The following BBS2 variants were observed in gnomAD, a reference collection of about 807,000 sequenced individuals.
The protein encoded by BBS2 is BBSome complex member BBS2.
BBS2 carries 62 observed loss-of-function variants against 83.0 expected under a neutral mutation model. The observed-to-expected ratio is 0.75, with a 90% CI of 0.61 to 0.92. The LOEUF (loss-of-function observed/expected upper bound fraction) is 0.92, where lower values mean the gene tolerates loss of function less well. Among genes scored for constraint, BBS2 ranks in the 40% least tolerant of loss-of-function variants. The pLI, the probability that BBS2 is intolerant of heterozygous loss-of-function variation, is 0.00. For missense variants in BBS2, 784 were observed against 901.0 expected (o/e 0.87, Z 1.66); for synonymous variants, 303 against 326.1 (o/e 0.93, Z 0.76).
chr16:56,512,385 T>TA (rs1964603709), intron 2 of BBS2, among the ~76,000 whole-genome samples: 1 of 152,100 alleles, frequency 6.6e-6, no homozygotes, highest in South Asian at 2.1e-4. Flanking sequence ...AAGTCTTATA[T>TA]AAAAAAGTCT....
intron 15 of BBS2, among the ~76,000 whole-genome samples, chr16:56,492,440 G>A (rs1157597346): frequency 6.6e-6 from 1 of 152,154 alleles, no homozygotes; most frequent in Non-Finnish European, 1.5e-5. Flanking sequence ...TATTTGCATG[G>A]AGTATCTAAA....
Position 56,510,885 on chromosome 16 carries a change from C to T in BBS2, c.508G>A (p.Asp170Asn), listed in dbSNP as rs786205498. The change falls in exon 4 of 17, where the codon GAC becomes AAC. Residue 170 changes from aspartate (D) to asparagine (N), a missense_variant. By Grantham distance (23) the Asp-to-Asn change is conservative. Transcript: ENST00000245157. ...GDNVNSLALC[D>N]FDGDGKKELL... ...TCTTTCTTTCCATCACCATCAAAGT[C>T]ACACAAGGCCAAGGAATTAACATTG... is the stretch of plus-strand genomic sequence containing the variant. 1 of 1,614,042 alleles carries T rather than the reference C, an allele frequency of 6.2e-7. No homozygotes were observed. The highest frequency in any genetic ancestry group is 8.5e-7 in the Non-Finnish European group (1 of 1,180,040).
At chr16:56,492,779 G>A (rs79728372) in intron 15 of BBS2, among the ~76,000 whole-genome samples, 6,427 of 152,236 alleles carry the variant, frequency 0.042, 210 homozygotes, top group East Asian at 0.16. Context: ...CATTGCTTAT[G>A]GGAATACAAA....
Position 56,500,803 on chromosome 16 carries a change from G to A in BBS2, c.1397+51C>T. On this transcript the variant is annotated intron_variant, in intron 11 of 16. Transcript: ENST00000245157. ...GGCATATGGAAAATTTATACATCTT[G>A]CCCTCCTCTAAGTGCTGTCCTGAAA... The A allele has an allele frequency of 6.3e-7, 1 of 1,587,530 alleles. No homozygotes were observed. Among genetic ancestry groups the A allele is most frequent in the Non-Finnish European group, 8.6e-7 (1 of 1,157,204 alleles).
chr16:56,505,388 C>T (rs1432518354), intron 7 of BBS2, among the ~76,000 whole-genome samples: 1 of 152,154 alleles, frequency 6.6e-6, no homozygotes, highest in African/African-American at 2.4e-5. Flanking sequence ...GACAAGAAAG[C>T]GAGGGCAAAT....
At chr16:56,475,907 AG>A in intron 17 of BBS2, 2 of 738,866 alleles carry the variant, frequency 2.7e-6, no homozygotes, top group Non-Finnish European at 4.4e-6. Flanking sequence ...AGCCACCCCT[AG>A]TAAGTGTTCA....
chr16:56,502,860 C>T (rs780161663), intron 7 of BBS2, 52 bp from the exon 8 acceptor site: 2 of 1,601,960 alleles, frequency 1.2e-6, no homozygotes, highest in Middle Eastern at 1.7e-4. Flanking sequence ...GTTTAAAAAC[C>T]ACAAAATTTA....
chr16:56,511,723 G>A (rs1302174904), intron 2 of BBS2, among the ~76,000 whole-genome samples: 1 of 152,092 alleles, frequency 6.6e-6, no homozygotes, highest in Non-Finnish European at 1.5e-5. Flanking sequence ...TGTCCTATTG[G>A]TTCTGTTTCT....
Position 56,485,628 on chromosome 16 carries a change from G to A in BBS2, c.2021C>T (p.Ala674Val). ...NHTELLGNLKAVNQAIQRAGR... is the reference protein window; with the variant it reads ...NHTELLGNLKVVNQAIQRAGR... ...TGCTCTTTGAATTGCTTGATTTACTGCTTTGAGGTTTCCCAACAGCTCTGT... is the reference window on the plus strand; with the variant it reads ...TGCTCTTTGAATTGCTTGATTTACTACTTTGAGGTTTCCCAACAGCTCTGT... Residue 674 changes from alanine (A) to valine (V), a missense_variant, in exon 16 of 17, where the codon GCA (alanine) becomes GTA (valine). Transcript: ENST00000245157. The A allele has an allele frequency of 6.2e-7, 1 of 1,614,122 alleles. No homozygotes were observed. The highest frequency in any genetic ancestry group is 8.5e-7 in the Non-Finnish European group (1 of 1,180,012).
intron 15 of BBS2, among the ~76,000 whole-genome samples, chr16:56,487,666 A>G (rs1963820578): frequency 6.6e-6 from 1 of 152,256 alleles, no homozygotes. Flanking sequence ...TCACTGCAGC[A>G]GCATCAGTTC....
intron 17 of BBS2, among the ~76,000 whole-genome samples, chr16:56,475,788 C>T (rs1963442361): frequency 6.6e-6 from 1 of 152,154 alleles, no homozygotes; most frequent in Non-Finnish European, 1.5e-5. Context: ...AAATTAAGAG[C>T]CATGTGGTGC....
At chr16:56,499,751 A>T (rs757133419) in intron 12 of BBS2, 27 bp downstream of exon 12, 4 of 1,613,798 alleles carry the variant, frequency 2.5e-6, no homozygotes, top group Non-Finnish European at 1.7e-6. Context: ...GTGTAAAAGC[A>T]TTGAAAGAGA....
intron 1 of BBS2, chr16:56,519,371 G>A (rs1236175092): frequency 5.4e-6 from 1 of 185,042 alleles, no homozygotes; most frequent in African/African-American, 2.4e-5. Context: ...CAGTGTTAGA[G>A]AGTCAGAGGA....
chr16:56,510,103 A>T, intron 4 of BBS2, 69 bp from the exon 5 acceptor site: 1 of 1,420,554 alleles, frequency 7.0e-7, no homozygotes, highest in South Asian at 1.2e-5. Flanking sequence ...AAACAAAACA[A>T]AAAATTGCAC....
At position 56,501,479 on chromosome 16, in the gene BBS2, G is replaced by C. The variant is rs1245174214; in HGVS notation, c.1099C>G (p.Leu367Val). 1.2e-6 allele frequency: 2 copies of C among 1,614,156 alleles called. No homozygotes were observed. The highest frequency in any genetic ancestry group is 1.7e-6 in the Non-Finnish European group (2 of 1,180,016). Residue 367 changes from leucine to valine, a missense_variant, in exon 10 of 17, where the codon CTG (leucine) becomes GTG (valine). Leu to Val is a conservative substitution (Grantham distance 32). Transcript: ENST00000245157. Reference protein sequence around the residue: ...ENAKAELASPLNEADGHRGII... With the variant: ...ENAKAELASPVNEADGHRGII... ...CCCCGATGCCCATCAGCCTCGTTCAGTGGACTGGCCAATTCAGCCTGCAAA... is the reference window on the plus strand; with the variant it reads ...CCCCGATGCCCATCAGCCTCGTTCACTGGACTGGCCAATTCAGCCTGCAAA...
chr16:56,510,854 C>T lies in BBS2; in HGVS notation c.534+5G>A. 1.9e-6 allele frequency: 3 copies of T among 1,613,940 alleles called. No homozygotes were observed. Among genetic ancestry groups the T allele is most frequent in the Non-Finnish European group, 2.5e-6 (3 of 1,179,820 alleles). ...CACAAGAGAGATATCTCCTCCCCCA[C>T]ATACCTCTTTCTTTCCATCACCATC... is the stretch of plus-strand genomic sequence containing the variant. On this transcript the variant is annotated splice_donor_5th_base_variant and intron_variant, in intron 4 of 16. Transcript: ENST00000245157.
chr16:56,518,561 T>C (rs1269113564), intron 1 of BBS2, among the ~76,000 whole-genome samples: 4 of 152,226 alleles, frequency 2.6e-5, no homozygotes, highest in African/African-American at 9.6e-5. Context: ...CCCAAGGTCA[T>C]GAAATTAGTA....
In BBS2 at chr16:56,484,482, T is replaced by TA; in HGVS notation, c.*278dup. 3.3e-6 allele frequency: 1 copy of TA among 303,156 alleles called. No individual in the cohort carries two copies. The highest frequency in any genetic ancestry group is 6.3e-6 in the Non-Finnish European group (1 of 159,398). 18.8% of individuals were successfully genotyped at this position (303,156 alleles called of 1,614,324 possible). A position where few individuals can be genotyped will look rare whatever the true frequency, so the allele number is the denominator to read the frequency against. ...GAAAAAAATATGTATTTATATACCATAAATAAGCAAAATTGGACTCTGAAG... is the reference window on the plus strand; with the variant it reads ...GAAAAAAATATGTATTTATATACCATAAAATAAGCAAAATTGGACTCTGAAG... On this transcript the variant is annotated 3_prime_UTR_variant, in exon 17 of 17. Coordinates refer to ENST00000245157, the MANE Select transcript of BBS2 (RefSeq NM_031885.5).
downstream of BBS2, among the ~76,000 whole-genome samples, chr16:56,481,750 G>T (rs1419681498): frequency 1.3e-5 from 2 of 152,198 alleles, no homozygotes; most frequent in Non-Finnish European, 2.9e-5. Context: ...CTCCTAAGCT[G>T]AACAGGATGA....
Sources: gnomAD v4.1 joint callset for allele counts (sites outside exome capture counted in the v4.1 genomes callset) on GRCh38, gnomAD v4.1.1 for gene constraint, MANE v1.5 for transcripts, NCBI Gene and HGNC (gene_info 2026-07-23, HGNC 2026-07-21) for gene names.